Variants in SH2D4B observed in about 807,000 individuals in gnomAD.
The protein encoded by SH2D4B is SH2 domain-containing protein 4B.
A neutral mutation model predicts 61.5 loss-of-function variants in SH2D4B; 45 were observed. The ratio of observed to expected loss-of-function variants is 0.73; its 90% CI spans 0.58 to 0.94. The LOEUF (loss-of-function observed/expected upper bound fraction) is 0.94, where lower values mean the gene tolerates loss of function less well. SH2D4B is among the 40% of genes least tolerant of loss of function. The probability of loss-of-function intolerance (pLI) is 0.00; values close to 1 mark genes in which losing one functional copy is unlikely to be tolerated. For missense variants in SH2D4B, 572 were observed against 574.2 expected, an observed-to-expected ratio of 1.00 and a Z score of 0.04; for synonymous variants, 224 against 220.4, an observed-to-expected ratio of 1.02 and a Z score of -0.14.
intron 5 of SH2D4B, among the ~76,000 whole-genome samples, chr10:80,609,018 A>G (rs902013348): frequency 1.3e-5 from 2 of 152,084 alleles, no homozygotes; most frequent in Admixed American, 6.5e-5. Flanking sequence ...AGCCTCCTTC[A>G]TCCATGCTGG....
At chr10:80,546,024 CTT>C (rs1449298846) in intron 1 of SH2D4B, among the ~76,000 whole-genome samples, 5 of 148,738 alleles carry the variant, frequency 3.4e-5, no homozygotes, top group African/African-American at 7.4e-5. Context: ...CTTTCTTTCT[CTT>C]TCTTTCTTTC....
chr10:80,642,726 A>G (rs575228255), intron 7 of SH2D4B, among the ~76,000 whole-genome samples: 103 of 152,328 alleles, frequency 6.8e-4, no homozygotes, highest in African/African-American at 2.3e-3. Context: ...ACAGTGCTGT[A>G]GAGACTTCCC....
At chr10:80,635,265 G>A (rs948074706) in intron 7 of SH2D4B, among the ~76,000 whole-genome samples, 4 of 152,156 alleles carry the variant, frequency 2.6e-5, no homozygotes, top group African/African-American at 9.7e-5. Context: ...GTTTATGTTC[G>A]TGTGGCCGTT....
At chr10:80,618,915 A>G (rs568759182) in intron 6 of SH2D4B, among the ~76,000 whole-genome samples, 2 of 152,284 alleles carry the variant, frequency 1.3e-5, no homozygotes, top group Non-Finnish European at 2.9e-5. Context: ...GTTGGCTTTG[A>G]GGATTTGCTA....
intron 1 of SH2D4B, among the ~76,000 whole-genome samples, chr10:80,562,625 T>C (rs1841914327): frequency 6.6e-6 from 1 of 152,214 alleles, no homozygotes; most frequent in African/African-American, 2.4e-5. Context: ...TTTCATTTCC[T>C]CTGGATATTT....
At chr10:80,601,721 G>T (rs1842453588) in intron 4 of SH2D4B, among the ~76,000 whole-genome samples, 1 of 152,248 alleles carries the variant, frequency 6.6e-6, no homozygotes, top group South Asian at 2.1e-4. Context: ...TTCCCAGAAA[G>T]GGTTCTTTGA....
intron 1 of SH2D4B, chr10:80,540,995 A>G (rs939600696): frequency 1.8e-6 from 2 of 1,135,218 alleles, no homozygotes; most frequent in African/African-American, 3.1e-5. Context: ...AGAACTCGGG[A>G]ATGAGTCAGA....
intron 7 of SH2D4B, among the ~76,000 whole-genome samples, chr10:80,638,320 TC>T (rs1438481676): frequency 4.6e-5 from 7 of 152,298 alleles, no homozygotes; most frequent in Admixed American, 2.0e-4. Flanking sequence ...TAGAGAGGAT[TC>T]CCTCTTTTTC....
At chr10:80,573,261 C>G (rs1409134877) in intron 3 of SH2D4B, among the ~76,000 whole-genome samples, 3 of 151,354 alleles carry the variant, frequency 2.0e-5, no homozygotes, top group Non-Finnish European at 4.4e-5. Context: ...GCTGGGATTA[C>G]AGGCGTGAAC....
chr10:80,597,877 T>C (rs1270913119), intron 4 of SH2D4B, among the ~76,000 whole-genome samples: 4 of 152,094 alleles, frequency 2.6e-5, no homozygotes, highest in African/African-American at 7.2e-5. Flanking sequence ...ATGGCACGTG[T>C]TGCAGTGTGG....
chr10:80,542,010 C>G (rs1841586245), intron 1 of SH2D4B, among the ~76,000 whole-genome samples: 1 of 152,126 alleles, frequency 6.6e-6, no homozygotes, highest in African/African-American at 2.4e-5. Context: ...GTGTGGACCC[C>G]TCAGCTTGGT....
At position 80,553,418 on chromosome 10, in the gene SH2D4B, G is replaced by T. The variant is rs529766180; in HGVS notation, c.184+14903G>T. On this transcript the variant is annotated intron_variant, in intron 1 of 7. Coordinates refer to ENST00000646907, the MANE Select transcript of SH2D4B (RefSeq NM_001388272.1). ...TTTTAAGGAACAGGACTGACAGCAG[G>T]GTCTGGGCTCCTCACTGGCACATTG... Among the ~76,000 whole-genome samples the T allele has an allele frequency of 3.3e-5, 5 of 152,318 alleles. No homozygotes were observed. In the South Asian group the frequency reaches 8.3e-4, roughly 25 times the overall value.
chr10:80,586,061 G>A (rs61335263), intron 3 of SH2D4B, among the ~76,000 whole-genome samples: 2 of 152,282 alleles, frequency 1.3e-5, no homozygotes, highest in African/African-American at 4.8e-5. Flanking sequence ...CAGCAGTGCC[G>A]GCCCAGCGGC....
chr10:80,587,011 G>A (rs972813037), intron 3 of SH2D4B, among the ~76,000 whole-genome samples: 2 of 151,622 alleles, frequency 1.3e-5, no homozygotes, highest in Non-Finnish European at 2.9e-5. Context: ...GAACACATCC[G>A]AACATCAGAA....
intron 6 of SH2D4B, among the ~76,000 whole-genome samples, chr10:80,625,672 A>G (rs1236271378): frequency 1.3e-5 from 2 of 150,798 alleles, no homozygotes; most frequent in Admixed American, 6.6e-5. Flanking sequence ...TCCCGGGTTC[A>G]AGCGATTCTC....
Position 80,634,467 on chromosome 10 carries a change from C to G in SH2D4B, c.1171C>G (p.Arg391Gly). The change falls in exon 7 of 8, where the codon CGC becomes GGC. Residue 391 changes from arginine to glycine, a missense_variant. By Grantham distance (125) the Arg-to-Gly change is moderately radical (BLOSUM62 -2). Coordinates refer to ENST00000646907, the MANE Select transcript of SH2D4B (RefSeq NM_001388272.1). ...CAGCTTCCTGGGAGTGGACCCCAATCGCCATGCAACGCTCACGGATCTCGT... is the reference window on the plus strand; with the variant it reads ...CAGCTTCCTGGGAGTGGACCCCAATGGCCATGCAACGCTCACGGATCTCGT... ...FYSFLGVDPN[R>G]HATLTDLVDF... The G allele has an allele frequency of 6.4e-7, 1 of 1,550,434 alleles. No individual in the cohort carries two copies. Among genetic ancestry groups the G allele is most frequent in the Non-Finnish European group, 8.7e-7 (1 of 1,146,966 alleles).
At chr10:80,572,980 A>ATGTG (rs1842076972) in intron 3 of SH2D4B, among the ~76,000 whole-genome samples, 1 of 9,316 alleles carries the variant, frequency 1.1e-4, no homozygotes, top group Non-Finnish European at 1.8e-4. Context: ...ATATATATAT[A>ATGTG]TATATATTTT....
chr10:80,572,764 C>T (rs1483671837), intron 3 of SH2D4B, among the ~76,000 whole-genome samples: 3 of 150,550 alleles, frequency 2.0e-5, no homozygotes, highest in Non-Finnish European at 4.4e-5. Context: ...GGAGTACAGG[C>T]GTGCATCACC....
At chr10:80,587,936 T>A (rs1842279598) in intron 3 of SH2D4B, among the ~76,000 whole-genome samples, 1 of 152,238 alleles carries the variant, frequency 6.6e-6, no homozygotes, top group East Asian at 1.9e-4. Flanking sequence ...TTCTGTTTTA[T>A]GGCTGTGTAG....
Sources: gnomAD v4.1 joint callset for allele counts (sites outside exome capture counted in the v4.1 genomes callset) on GRCh38, gnomAD v4.1.1 for gene constraint, MANE v1.5 for transcripts, NCBI Gene and HGNC (gene_info 2026-07-23, HGNC 2026-07-21) for gene names.